Variants in ITGA9 observed in about 807,000 individuals in gnomAD.
ITGA9 encodes the protein integrin subunit alpha 9, also known as integrin alpha-9.
A neutral mutation model predicts 127.8 loss-of-function variants in ITGA9; 56 were observed. The ratio of observed to expected loss-of-function variants is 0.44; its 90% CI spans 0.35 to 0.55. The LOEUF (loss-of-function observed/expected upper bound fraction) is 0.55. Ranked by LOEUF, ITGA9 falls within the 20% of genes least tolerant of loss-of-function variation. The probability of loss-of-function intolerance (pLI) is 0.00; values close to 1 mark genes in which losing one functional copy is unlikely to be tolerated. For missense variants in ITGA9, 1,196 were observed against 1,347.1 expected, an observed-to-expected ratio of 0.89 and a Z score of 1.76; for synonymous variants, 508 against 514.5, an observed-to-expected ratio of 0.99 and a Z score of 0.17.
Position 37,777,616 on chromosome 3 carries a change from A to G in ITGA9, c.2667+99A>G, listed in dbSNP as rs190563052. The G allele has an allele frequency of 2.1e-6, 3 of 1,405,312 alleles. No individual in the cohort carries two copies. The Admixed American group carries it at 5.3e-5, about 25-fold the overall frequency. The allele number at this position is 1,405,312 out of a possible 1,614,324, so 87.1% of individuals were successfully genotyped here. A position where few individuals can be genotyped will look rare whatever the true frequency, so the allele number is the denominator to read the frequency against. On this transcript the variant is annotated intron_variant, in intron 24 of 27. Transcript: ENST00000264741. ...TTATTATTTCCTAAATCTGGTTTTA[A>G]TCAATTTGACTTACAAAGGCACAGA...
At chr3:37,608,419 A>C (rs1176736986) in intron 15 of ITGA9, among the ~76,000 whole-genome samples, 2 of 145,440 alleles carry the variant, frequency 1.4e-5, no homozygotes, top group Non-Finnish European at 3.1e-5. Flanking sequence ...GTGGAAAATG[A>C]CTCAACCAAG....
chr3:37,584,308 G>T (rs1699735593), intron 15 of ITGA9, among the ~76,000 whole-genome samples: 1 of 152,176 alleles, frequency 6.6e-6, no homozygotes. Context: ...GGTAGGCTCA[G>T]AACTGGCACT....
intron 16 of ITGA9, among the ~76,000 whole-genome samples, chr3:37,648,525 G>A (rs1257958442): frequency 6.6e-6 from 1 of 152,108 alleles, no homozygotes; most frequent in Non-Finnish European, 1.5e-5. Context: ...TACTTGGGAG[G>A]CTGAGGTAGG....
At chr3:37,723,416 A>G (rs1460993425) in intron 18 of ITGA9, among the ~76,000 whole-genome samples, 5 of 152,164 alleles carry the variant, frequency 3.3e-5, no homozygotes, top group Non-Finnish European at 1.5e-5. Flanking sequence ...GATGAAATGC[A>G]GTAGTGCGAT....
intron 4 of ITGA9, among the ~76,000 whole-genome samples, chr3:37,490,786 A>G (rs1172186172): frequency 6.6e-6 from 1 of 152,172 alleles, no homozygotes; most frequent in Non-Finnish European, 1.5e-5. Context: ...TAAACCAAGG[A>G]AAATACTCCC....
At chr3:37,681,264 C>T (rs1189626617) in intron 17 of ITGA9, among the ~76,000 whole-genome samples, 1 of 152,156 alleles carries the variant, frequency 6.6e-6, no homozygotes, top group Non-Finnish European at 1.5e-5. Flanking sequence ...GACAAGAAGG[C>T]TGGGGAACCA....
At chr3:37,795,424 T>C (rs1697159822) in intron 26 of ITGA9, among the ~76,000 whole-genome samples, 1 of 152,184 alleles carries the variant, frequency 6.6e-6, no homozygotes, top group South Asian at 2.1e-4. Context: ...TGGTTTAGGT[T>C]CACCCACTGC....
Position 37,823,152 on chromosome 3 carries a change from C to T in ITGA9, c.*4163C>T, listed in dbSNP as rs1016292624. 2.0e-5 allele frequency: 3 copies of T among 152,172 alleles called. No individual in the cohort carries two copies. Among genetic ancestry groups the T allele is most frequent in the Non-Finnish European group, 4.4e-5 (3 of 68,028 alleles). 9.4% of individuals were successfully genotyped at this position (152,172 alleles called of 1,614,324 possible). A position where few individuals can be genotyped will look rare whatever the true frequency, so the allele number is the denominator to read the frequency against. ...AATAAGTGAACAAATTTCCCAACATCGTGCAATGCTTTATAGCACAATGAT... is the reference window on the plus strand; with the variant it reads ...AATAAGTGAACAAATTTCCCAACATTGTGCAATGCTTTATAGCACAATGAT... On this transcript the variant is annotated 3_prime_UTR_variant, in exon 28 of 28. Coordinates refer to ENST00000264741, the MANE Select transcript of ITGA9 (RefSeq NM_002207.3).
chr3:37,672,763 A>G (rs1700649249), intron 17 of ITGA9, among the ~76,000 whole-genome samples: 1 of 152,218 alleles, frequency 6.6e-6, no homozygotes, highest in East Asian at 1.9e-4. Context: ...TAACCACAGG[A>G]CAAGACTAGT....
At chr3:37,618,753 C>T (rs902784248) in intron 15 of ITGA9, among the ~76,000 whole-genome samples, 1 of 152,220 alleles carries the variant, frequency 6.6e-6, no homozygotes, top group Non-Finnish European at 1.5e-5. Context: ...GCGTAGGACT[C>T]TCCGAGCTAG....
At chr3:37,461,711 C>T (rs1698318220) in intron 1 of ITGA9, among the ~76,000 whole-genome samples, 8 of 152,246 alleles carry the variant, frequency 5.3e-5, no homozygotes, top group Admixed American at 5.2e-4. Flanking sequence ...TTATGCTCTA[C>T]ATAAATCTGC....
chr3:37,512,811 A>G (rs1340201910), intron 8 of ITGA9, among the ~76,000 whole-genome samples: 1 of 152,048 alleles, frequency 6.6e-6, no homozygotes, highest in Non-Finnish European at 1.5e-5. Context: ...CACAGTCTCC[A>G]CCACTCCCTA....
chr3:37,455,034 A>C (rs1338455260), intron 1 of ITGA9, among the ~76,000 whole-genome samples: 2 of 152,118 alleles, frequency 1.3e-5, no homozygotes, highest in Admixed American at 1.3e-4. Flanking sequence ...CCTTGTCCCC[A>C]ATTTTATAAT....
chr3:37,533,256 T>G, intron 13 of ITGA9, 58 bp from the exon 14 acceptor site: 2 of 1,517,874 alleles, frequency 1.3e-6, no homozygotes, highest in Non-Finnish European at 1.8e-6. Flanking sequence ...TAGTTCTTGT[T>G]TGGTTCTGAG....
intron 15 of ITGA9, among the ~76,000 whole-genome samples, chr3:37,592,179 C>T (rs1699827165): frequency 6.6e-6 from 1 of 152,164 alleles, no homozygotes; most frequent in South Asian, 2.1e-4. Context: ...TATTAGCCTC[C>T]ATTAAGAAAA....
intron 17 of ITGA9, among the ~76,000 whole-genome samples, chr3:37,662,359 C>T (rs1214524249): frequency 6.6e-6 from 1 of 151,938 alleles, no homozygotes; most frequent in Non-Finnish European, 1.5e-5. Context: ...GCTGAGATGG[C>T]ACCACTGCAC....
intron 26 of ITGA9, among the ~76,000 whole-genome samples, chr3:37,795,122 C>T (rs984329977): frequency 1.6e-4 from 25 of 152,088 alleles, no homozygotes; most frequent in African/African-American, 6.0e-4. Context: ...AAATTCCTTC[C>T]TTCTATTGAG....
chr3:37,631,600 G>A (rs948138466), intron 16 of ITGA9, among the ~76,000 whole-genome samples: 2 of 152,154 alleles, frequency 1.3e-5, no homozygotes, highest in Non-Finnish European at 2.9e-5. Context: ...TAATTTTCTG[G>A]TATGAGTGAA....
At position 37,657,982 on chromosome 3, in the gene ITGA9, T is replaced by C. The variant is rs780437031; in HGVS notation, c.1916+4192T>C. 5.9e-5 allele frequency among the ~76,000 whole-genome samples: 9 copies of C among 152,354 alleles called. No homozygotes were observed. The East Asian group carries it at 1.5e-3, about 26-fold the overall frequency. ...AGTCATTCAGGAGGCCATTGTTCAG[T>C]TTCCATGTAGTTGTGCAGTTTTGAG... On this transcript the variant is annotated intron_variant, in intron 17 of 27. Transcript: ENST00000264741.
Sources: gnomAD v4.1 joint callset for allele counts (sites outside exome capture counted in the v4.1 genomes callset) on GRCh38, gnomAD v4.1.1 for gene constraint, MANE v1.5 for transcripts, NCBI Gene and HGNC (gene_info 2026-07-23, HGNC 2026-07-21) for gene names.